The following EMID1 variants were observed in gnomAD, a reference collection of about 807,000 sequenced individuals.
EMID1 encodes the protein EMI domain containing 1.
Under a neutral mutation model 60.6 loss-of-function variants are expected in EMID1, and 40 were observed. The ratio of observed to expected loss-of-function variants is 0.66; its 90% confidence interval spans 0.51 to 0.86. EMID1 has a LOEUF of 0.86. Ranked by LOEUF, EMID1 falls within the 40% of genes least tolerant of loss-of-function variation. The pLI is 0.00. For missense variants in EMID1, 585 were observed against 597.1 expected (o/e 0.98, Z 0.21); for synonymous variants, 242 against 231.0 (o/e 1.05, Z -0.43).
intron 13 of EMID1, among the ~76,000 whole-genome samples, chr22:29,245,310 T>C (rs1205147619): frequency 1.3e-5 from 2 of 152,206 alleles, no homozygotes; most frequent in Non-Finnish European, 2.9e-5. Context: ...CCAGAGGCCC[T>C]TGGTCTGGGA....
chr22:29,255,449 T>C, intron 14 of EMID1: 1 of 1,000,966 alleles, frequency 1.0e-6, no homozygotes, highest in Non-Finnish European at 1.4e-6. Context: ...TTCCGATGCT[T>C]GGCCCAGGCC....
intron 12 of EMID1, among the ~76,000 whole-genome samples, chr22:29,240,259 T>G (rs181071019): frequency 6.6e-6 from 1 of 152,290 alleles, no homozygotes; most frequent in East Asian, 1.9e-4. Context: ...AGTTGGATAT[T>G]TCCCTTCTTT....
chr22:29,254,418 G>T, intron 14 of EMID1, 131 bp downstream of exon 14: 1 of 832,964 alleles, frequency 1.2e-6, no homozygotes, highest in Non-Finnish European at 2.0e-6. Context: ...GGCAAGCATG[G>T]ACCTGAGAGG....
At chr22:29,221,494 C>A (rs2040298381) in intron 3 of EMID1, among the ~76,000 whole-genome samples, 1 of 152,200 alleles carries the variant, frequency 6.6e-6, no homozygotes, top group South Asian at 2.1e-4. Context: ...CCTGCCTCAG[C>A]CTCCCGCGTA....
chr22:29,209,551 T>G (rs1384088460), intron 1 of EMID1, among the ~76,000 whole-genome samples: 12 of 152,158 alleles, frequency 7.9e-5, no homozygotes, highest in Admixed American at 7.9e-4. Flanking sequence ...CTGTTCTCCA[T>G]CATTCAGTCA....
chr22:29,248,600 T>A (rs1236192560), intron 13 of EMID1, among the ~76,000 whole-genome samples: 1 of 152,068 alleles, frequency 6.6e-6, no homozygotes, highest in Non-Finnish European at 1.5e-5. Flanking sequence ...TCCCAGCACT[T>A]TGGGAGTCCA....
intron 10 of EMID1, 66 bp from the exon 11 acceptor site, chr22:29,234,071 G>T: frequency 6.5e-7 from 1 of 1,541,588 alleles, no homozygotes; most frequent in Non-Finnish European, 8.8e-7. Flanking sequence ...CAACACCTCT[G>T]TTCCCAAGCC....
chr22:29,230,160 C>T (rs1398832376), intron 5 of EMID1, among the ~76,000 whole-genome samples: 1 of 152,010 alleles, frequency 6.6e-6, no homozygotes, highest in Non-Finnish European at 1.5e-5. Flanking sequence ...TGGTCAAACC[C>T]CATCTCTACT....
intron 12 of EMID1, among the ~76,000 whole-genome samples, chr22:29,234,861 CT>C (rs550619441): frequency 6.3e-4 from 92 of 147,078 alleles, no homozygotes; most frequent in Non-Finnish European, 9.7e-4. Flanking sequence ...TTTTTTTATC[CT>C]TTTTTTTTTC....
At chr22:29,245,029 T>C (rs5752887) in intron 13 of EMID1, among the ~76,000 whole-genome samples, 20,875 of 151,992 alleles carry the variant, frequency 0.14, 1,675 homozygotes, top group East Asian at 0.23. Flanking sequence ...TCTTAGTTCT[T>C]GATTGTGGGG....
chr22:29,243,976 T>C (rs2146380270), intron 13 of EMID1, among the ~76,000 whole-genome samples: 1 of 152,238 alleles, frequency 6.6e-6, no homozygotes, highest in South Asian at 2.1e-4. Flanking sequence ...AGGAGCCACG[T>C]GGTAAAAAGG....
chr22:29,245,690 C>T (rs1444775653), intron 13 of EMID1, among the ~76,000 whole-genome samples: 3 of 152,202 alleles, frequency 2.0e-5, no homozygotes, highest in East Asian at 1.9e-4. Context: ...CTTGCAGATG[C>T]GTTCTGGCTG....
chr22:29,235,367 A>T lies in EMID1; in HGVS notation c.1074+1018A>T, dbSNP rs866800929. Among the ~76,000 whole-genome samples the T allele has an allele frequency of 2.6e-3, 368 of 142,274 alleles. 1 individual carries two copies. The highest frequency in any genetic ancestry group is 4.6e-3 in the Non-Finnish European group (297 of 64,538). 93.3% of individuals were successfully genotyped at this position (142,274 alleles called of 152,430 possible). A position where few individuals can be genotyped will look rare whatever the true frequency, so the allele number is the denominator to read the frequency against. ...TCATCTCAAAAAAAAAAAAAAAAAA[A>T]AGTGCATCATATGACTTGGGTCTTG... On this transcript the variant is annotated intron_variant, in intron 12 of 14. Coordinates refer to ENST00000334018, the MANE Select transcript of EMID1 (RefSeq NM_133455.4).
chr22:29,234,436 G>A (rs2040870361), intron 12 of EMID1, 87 bp downstream of exon 12: 1 of 1,453,682 alleles, frequency 6.9e-7, no homozygotes, highest in Non-Finnish European at 9.4e-7. Context: ...TGCAACCAGA[G>A]CTTCTAACCC....
Position 29,231,066 on chromosome 22 carries a change from C to A in EMID1, c.512C>A (p.Ala171Asp). Residue 171 changes from alanine (A) to aspartate (D), a missense_variant, in exon 6 of 15, where the codon GCT (alanine) becomes GAT (aspartate). Physicochemically the swap from Ala to Asp is moderately radical, Grantham distance 126. Coordinates refer to ENST00000334018, the MANE Select transcript of EMID1 (RefSeq NM_133455.4). ...VIEQPVPPTP[A>D]TPEDPAPLWG... ...GAGCAGCCAGTACCTCCAACACCAG[C>A]TACCCCTGAGGACCCTGCCCCGCTC... 3 of 1,614,044 alleles carry A rather than the reference C, an allele frequency of 1.9e-6. No homozygotes were observed. The highest frequency in any genetic ancestry group is 2.5e-6 in the Non-Finnish European group (3 of 1,179,942).
At chr22:29,252,057 CT>C (rs2146446525) in intron 13 of EMID1, among the ~76,000 whole-genome samples, 1 of 152,356 alleles carries the variant, frequency 6.6e-6, no homozygotes, top group East Asian at 1.9e-4. Context: ...GATGCTCCCA[CT>C]TTGGCCTCCC....
chr22:29,231,728 C>T (rs2040756849), intron 7 of EMID1, 46 bp downstream of exon 7: 29 of 1,425,066 alleles, frequency 2.0e-5, no homozygotes, highest in Non-Finnish European at 2.7e-5. Context: ...GCCATCCCCT[C>T]CACCAGGTGG....
chr22:29,211,025 G>A (rs534677576), intron 1 of EMID1, among the ~76,000 whole-genome samples: 18 of 152,322 alleles, frequency 1.2e-4, no homozygotes, highest in South Asian at 2.1e-4. Context: ...CTGTGGGGCC[G>A]TGTGTGGACA....
At chr22:29,253,778 G>A (rs1239432893) in intron 13 of EMID1, among the ~76,000 whole-genome samples, 1 of 152,176 alleles carries the variant, frequency 6.6e-6, no homozygotes, top group Non-Finnish European at 1.5e-5. Flanking sequence ...AGAATGTGAA[G>A]TAAATAAGCA....
Sources: allele counts gnomAD v4.1 joint callset (sites outside exome capture counted in the v4.1 genomes callset), GRCh38; gene constraint gnomAD v4.1.1; transcripts MANE v1.5; gene names NCBI Gene and HGNC (gene_info 2026-07-23, HGNC 2026-07-21).